CDH18: variants seen among roughly 807,000 people sequenced by gnomAD.
CDH18 encodes the protein cadherin-18.
A neutral mutation model predicts 67.9 loss-of-function variants in CDH18; 31 were observed. That is an observed-to-expected ratio of 0.46 (90% CI 0.34 to 0.62). The LOEUF is 0.62. Ranked by LOEUF, CDH18 falls within the 20% of genes least tolerant of loss-of-function variation. The pLI is 0.01. For missense variants in CDH18, 890 were observed against 975.5 expected, an observed-to-expected ratio of 0.91 and a Z score of 1.17; for synonymous variants, 362 against 347.2, an observed-to-expected ratio of 1.04 and a Z score of -0.48.
At chr5:19,952,383 G>T (rs1355814570) in intron 2 of CDH18, among the ~76,000 whole-genome samples, 1 of 152,138 alleles carries the variant, frequency 6.6e-6, no homozygotes, top group East Asian at 1.9e-4. Flanking sequence ...AACAGAGGCA[G>T]AACCCTAACC....
intron 2 of CDH18, among the ~76,000 whole-genome samples, chr5:19,961,634 A>G (rs1377228825): frequency 6.6e-6 from 1 of 152,122 alleles, no homozygotes; most frequent in Non-Finnish European, 1.5e-5. Context: ...CATTATGAAT[A>G]TAATTATTGT....
intron 10 of CDH18, 50 bp downstream of exon 10, chr5:19,520,607 C>A: frequency 6.6e-7 from 1 of 1,522,140 alleles, no homozygotes. Context: ...AAAATAAAGG[C>A]GCTTGCATTT....
At chr5:20,221,471 G>C (rs1741219091) in intron 2 of CDH18, among the ~76,000 whole-genome samples, 1 of 152,146 alleles carries the variant, frequency 6.6e-6, no homozygotes, top group African/African-American at 2.4e-5. Flanking sequence ...GCTAGGAAGT[G>C]TAGCGCGGGG....
At chr5:20,325,031 G>T (rs1738421504) in intron 1 of CDH18, among the ~76,000 whole-genome samples, 1 of 152,078 alleles carries the variant, frequency 6.6e-6, no homozygotes, top group African/African-American at 2.4e-5. Flanking sequence ...GCCCAAGCTT[G>T]CTTTATCTAT....
At chr5:19,755,928 A>G (rs529424315) in intron 3 of CDH18, among the ~76,000 whole-genome samples, 1 of 152,066 alleles carries the variant, frequency 6.6e-6, no homozygotes, top group Non-Finnish European at 1.5e-5. Flanking sequence ...TCAAAGGTTA[A>G]TCTCTTTTGG....
intron 2 of CDH18, among the ~76,000 whole-genome samples, chr5:19,928,349 C>T (rs903949310): frequency 1.3e-5 from 2 of 151,928 alleles, no homozygotes; most frequent in East Asian, 1.9e-4. Context: ...AAAGAAGGCC[C>T]GGCACACAGA....
intron 2 of CDH18, among the ~76,000 whole-genome samples, chr5:19,891,328 C>T (rs950674802): frequency 6.6e-6 from 1 of 152,030 alleles, no homozygotes; most frequent in Admixed American, 6.6e-5. Context: ...GGGGATAGGG[C>T]TAACGTGTGA....
At chr5:20,046,918 C>T (rs765459417) in intron 2 of CDH18, among the ~76,000 whole-genome samples, 5 of 151,480 alleles carry the variant, frequency 3.3e-5, no homozygotes, top group African/African-American at 9.7e-5. Context: ...TGCCGTAAGG[C>T]GAGAGCAGCA....
intron 2 of CDH18, among the ~76,000 whole-genome samples, chr5:20,048,117 T>G (rs146936716): frequency 6.6e-6 from 1 of 151,710 alleles, no homozygotes; most frequent in African/African-American, 2.4e-5. Flanking sequence ...TTTAGTAAAT[T>G]GTAATTTTTT....
chr5:20,360,164 A>G (rs28739449), intron 1 of CDH18, among the ~76,000 whole-genome samples: 1 of 143,808 alleles, frequency 7.0e-6, no homozygotes, highest in Non-Finnish European at 1.5e-5. Context: ...TATTATTGTA[A>G]CTATAATAAA....
At chr5:20,197,943 A>G (rs572433640) in intron 2 of CDH18, among the ~76,000 whole-genome samples, 1 of 152,062 alleles carries the variant, frequency 6.6e-6, no homozygotes, top group East Asian at 1.9e-4. Flanking sequence ...GGTTTCCCCT[A>G]TGCTGCTTTT....
intron 2 of CDH18, among the ~76,000 whole-genome samples, chr5:19,976,710 T>A (rs1561666680): frequency 6.6e-6 from 1 of 152,030 alleles, no homozygotes; most frequent in Non-Finnish European, 1.5e-5. Context: ...AATATAATGA[T>A]ACAGAGTTGA....
chr5:20,554,315 T>C (rs1757790454), intron 1 of CDH18, among the ~76,000 whole-genome samples: 1 of 152,208 alleles, frequency 6.6e-6, no homozygotes. Flanking sequence ...CATACAAACA[T>C]GTTCAAGTCT....
chr5:19,948,522 G>T lies in CDH18; in HGVS notation c.-257+32538C>A, dbSNP rs1439340895. ...AGAGATGAAATACATAGGAGCGGTT[G>T]CCCTCTGTAAGGGTTTCTGTTTAGT... On this transcript the variant is annotated intron_variant, in intron 2 of 12. Transcript: ENST00000382275. 2.6e-5 allele frequency among the ~76,000 whole-genome samples: 4 copies of T among 152,154 alleles called. No homozygotes were observed. In the East Asian group the frequency reaches 5.8e-4, roughly 22 times the overall value.
chr5:20,220,716 A>G (rs1288725710), intron 2 of CDH18, among the ~76,000 whole-genome samples: 1 of 152,042 alleles, frequency 6.6e-6, no homozygotes, highest in African/African-American at 2.4e-5. Flanking sequence ...AATATTTGCA[A>G]ACTATCCAGC....
intron 2 of CDH18, among the ~76,000 whole-genome samples, chr5:20,062,953 G>A (rs1742627579): frequency 1.4e-5 from 2 of 146,626 alleles, no homozygotes; most frequent in African/African-American, 5.0e-5. Flanking sequence ...GTAATATAAT[G>A]TACATTGCAT....
chr5:20,139,065 A>G (rs1266461658), intron 2 of CDH18, among the ~76,000 whole-genome samples: 1 of 152,166 alleles, frequency 6.6e-6, no homozygotes, highest in Admixed American at 6.5e-5. Flanking sequence ...ACTTCAAACT[A>G]TACTACAAGG....
At chr5:19,578,861 C>A (rs1168942824) in intron 7 of CDH18, among the ~76,000 whole-genome samples, 1 of 151,684 alleles carries the variant, frequency 6.6e-6, no homozygotes, top group South Asian at 2.1e-4. Flanking sequence ...GCAGTTAATA[C>A]ATTTTCAGTT....
At chr5:20,100,163 C>T (rs1746334516) in intron 2 of CDH18, among the ~76,000 whole-genome samples, 1 of 151,862 alleles carries the variant, frequency 6.6e-6, no homozygotes, top group African/African-American at 2.4e-5. Context: ...AAGATTTGTC[C>T]CAAATAAAAT....
Sources: gnomAD v4.1 joint callset for allele counts (sites outside exome capture counted in the v4.1 genomes callset) on GRCh38, gnomAD v4.1.1 for gene constraint, MANE v1.5 for transcripts, NCBI Gene and HGNC (gene_info 2026-07-23, HGNC 2026-07-21) for gene names.